The following PCDH7 variants were observed in gnomAD, a reference collection of about 807,000 sequenced individuals.
PCDH7 encodes the protein protocadherin 7.
PCDH7 carries 17 observed loss-of-function variants against 58.9 expected under a neutral mutation model. The observed-to-expected ratio is 0.29, with a 90% CI of 0.20 to 0.43. The LOEUF (loss-of-function observed/expected upper bound fraction) is 0.43. Among genes scored for constraint, PCDH7 ranks in the 20% least tolerant of loss-of-function variants. The probability of loss-of-function intolerance (pLI) is 1.00; values close to 1 mark genes in which losing one functional copy is unlikely to be tolerated. For synonymous variants in PCDH7, 664 were observed against 616.4 expected (o/e 1.08, Z -1.14); for missense variants, 1,274 against 1,441.0 (o/e 0.88, Z 1.88).
chr4:31,056,451 A>AAAG (rs1378044803), intron 3 of PCDH7, among the ~76,000 whole-genome samples: 10 of 33,474 alleles, frequency 3.0e-4, no homozygotes, highest in East Asian at 3.6e-3. Flanking sequence ...GGAAAGAAAG[A>AAAG]AAGAAAGAAG....
At chr4:30,845,444 C>T (rs536449857) in intron 1 of PCDH7, among the ~76,000 whole-genome samples, 1 of 152,088 alleles carries the variant, frequency 6.6e-6, no homozygotes, top group East Asian at 1.9e-4. Flanking sequence ...ACCAACCCAA[C>T]CTTATAATAC....
intron 3 of PCDH7, among the ~76,000 whole-genome samples, chr4:31,037,027 T>C (rs73113500): frequency 0.033 from 5,062 of 152,084 alleles, 255 homozygotes; most frequent in African/African-American, 0.11. Flanking sequence ...ACCGCGTCCC[T>C]CCCATAGCAC....
At chr4:31,118,735 A>C (rs1386558487) in intron 3 of PCDH7, among the ~76,000 whole-genome samples, 1 of 152,212 alleles carries the variant, frequency 6.6e-6, no homozygotes, top group African/African-American at 2.4e-5. Flanking sequence ...TACTTATGTA[A>C]GATACCTAAA....
At chr4:30,755,036 G>T (rs1055488005) in intron 1 of PCDH7, among the ~76,000 whole-genome samples, 7 of 152,122 alleles carry the variant, frequency 4.6e-5, no homozygotes, top group East Asian at 1.9e-4. Context: ...GAGGTTTGGG[G>T]TTTAACAACT....
At chr4:30,798,789 C>T (rs1725130126) in intron 1 of PCDH7, among the ~76,000 whole-genome samples, 2 of 152,280 alleles carry the variant, frequency 1.3e-5, no homozygotes, top group African/African-American at 2.4e-5. Context: ...ATTTCTACCT[C>T]TATCCTCTGA....
rs116118597 is a variant in PCDH7, at chr4:31,074,506, G to A, written c.*8-67967G>A. On this transcript the variant is annotated intron_variant, in intron 3 of 3. Coordinates refer to the PCDH7 transcript ENST00000509759. ...TGTTTGGTTAAAAGTTTCATTTATTGGCCAGACGACACAGTGGCTCACTCC... is the reference window on the plus strand; with the variant it reads ...TGTTTGGTTAAAAGTTTCATTTATTAGCCAGACGACACAGTGGCTCACTCC... Among the ~76,000 whole-genome samples, 47 of 151,970 alleles carry A rather than the reference G, an allele frequency of 3.1e-4. 1 individual carries two copies. Among genetic ancestry groups the A allele is most frequent in the Admixed American group, 3.0e-3 (46 of 15,244 alleles).
chr4:30,948,866 A>G (rs1392292037), intron 2 of PCDH7, among the ~76,000 whole-genome samples: 1 of 152,174 alleles, frequency 6.6e-6, no homozygotes, highest in African/African-American at 2.4e-5. Context: ...CAAAGACCAG[A>G]GGAGTTGAAA....
At chr4:31,080,460 T>G (rs1327219033) in intron 3 of PCDH7, among the ~76,000 whole-genome samples, 1 of 152,160 alleles carries the variant, frequency 6.6e-6, no homozygotes, top group African/African-American at 2.4e-5. Flanking sequence ...TAAATCAGTG[T>G]AAAAAGTCAT....
At chr4:30,985,108 C>T (rs1750863441) in intron 3 of PCDH7, among the ~76,000 whole-genome samples, 1 of 152,106 alleles carries the variant, frequency 6.6e-6, no homozygotes, top group Non-Finnish European at 1.5e-5. Context: ...AGGTGCCTGC[C>T]ACCACACCCA....
chr4:30,828,950 T>C (rs1216803983), intron 1 of PCDH7, among the ~76,000 whole-genome samples: 1 of 152,134 alleles, frequency 6.6e-6, no homozygotes, highest in Non-Finnish European at 1.5e-5. Flanking sequence ...TTTAATGGTC[T>C]GTAAGCCTTG....
At chr4:31,059,516 G>C (rs934141760) in intron 3 of PCDH7, among the ~76,000 whole-genome samples, 4 of 151,704 alleles carry the variant, frequency 2.6e-5, no homozygotes, top group African/African-American at 4.8e-5. Context: ...TTCTTCTAAA[G>C]ATTAAGCTCC....
chr4:30,762,136 A>G (rs1046028030), intron 1 of PCDH7, among the ~76,000 whole-genome samples: 1 of 152,218 alleles, frequency 6.6e-6, no homozygotes, highest in African/African-American at 2.4e-5. Flanking sequence ...CCTAGAATTG[A>G]AATAAGCACC....
At chr4:31,137,171 T>C (rs1025099704) in intron 3 of PCDH7, among the ~76,000 whole-genome samples, 6 of 152,222 alleles carry the variant, frequency 3.9e-5, no homozygotes, top group Admixed American at 2.0e-4. Flanking sequence ...AATAAGTCTT[T>C]GTGTAGAGGG....
At chr4:30,779,030 T>TTC in intron 1 of PCDH7, among the ~76,000 whole-genome samples, 1 of 147,530 alleles carries the variant, frequency 6.8e-6, no homozygotes, top group Non-Finnish European at 1.5e-5. Flanking sequence ...TTTTTTTTTT[T>TTC]TAAATGGAGA....
chr4:30,938,438 G>A (rs1745613505), intron 2 of PCDH7, among the ~76,000 whole-genome samples: 1 of 151,576 alleles, frequency 6.6e-6, no homozygotes, highest in Non-Finnish European at 1.5e-5. Flanking sequence ...AAATTTATGA[G>A]CAAACTTTAG....
At chr4:30,895,088 T>A (rs1329051444) in intron 1 of PCDH7, among the ~76,000 whole-genome samples, 1 of 151,868 alleles carries the variant, frequency 6.6e-6, no homozygotes, top group Non-Finnish European at 1.5e-5. Flanking sequence ...TATCTTTTTT[T>A]ATTTATTTAA....
intron 3 of PCDH7, among the ~76,000 whole-genome samples, chr4:31,111,571 C>A (rs1299867030): frequency 1.5e-4 from 23 of 152,094 alleles, no homozygotes; most frequent in Admixed American, 1.3e-4. Context: ...CGGCCTCCCA[C>A]AAATTTTCAT....
chr4:30,820,723 G>A (rs1016056457), intron 1 of PCDH7, among the ~76,000 whole-genome samples: 47 of 151,896 alleles, frequency 3.1e-4, no homozygotes, highest in African/African-American at 1.1e-3. Flanking sequence ...AAAATGGGGA[G>A]GGGGACATGT....
At chr4:30,737,368 A>G (rs906612971), downstream of PCDH7, among the ~76,000 whole-genome samples, 1 of 152,194 alleles carries the variant, frequency 6.6e-6, no homozygotes, top group Non-Finnish European at 1.5e-5. Context: ...TATTTAAAAT[A>G]TAGGCTGGGT....
Sources: gnomAD v4.1 joint callset for allele counts (sites outside exome capture counted in the v4.1 genomes callset) on GRCh38, gnomAD v4.1.1 for gene constraint, MANE v1.5 for transcripts, NCBI Gene and HGNC (gene_info 2026-07-23, HGNC 2026-07-21) for gene names.